PRKCH: variants seen among roughly 807,000 people sequenced by gnomAD.
PRKCH encodes the protein protein kinase C eta type.
PRKCH carries 28 observed loss-of-function variants against 82.5 expected under a neutral mutation model. The ratio of observed to expected loss-of-function variants is 0.34; its 90% CI spans 0.25 to 0.47. The LOEUF (loss-of-function observed/expected upper bound fraction) is 0.47, where lower values mean the gene tolerates loss of function less well. Among genes scored for constraint, PRKCH ranks in the 20% least tolerant of loss-of-function variants. The pLI is 1.00. For missense variants in PRKCH, 705 were observed against 881.8 expected, an observed-to-expected ratio of 0.80 and a Z score of 2.54; for synonymous variants, 322 against 327.4, an observed-to-expected ratio of 0.98 and a Z score of 0.18.
At chr14:61,189,629 TTCTC>T (rs908301883) in intron 1 of PRKCH, among the ~76,000 whole-genome samples, 2 of 151,932 alleles carry the variant, frequency 1.3e-5, no homozygotes, top group Admixed American at 6.5e-5. Flanking sequence ...CTTCCTCCCT[TTCTC>T]TCTGTCTTCC....
intron 8 of PRKCH, 23 bp downstream of exon 8, chr14:61,457,342 T>C (rs1210315722): frequency 1.2e-6 from 2 of 1,612,618 alleles, no homozygotes; most frequent in Non-Finnish European, 1.7e-6. Context: ...TTTAACTGTT[T>C]GGGTTGAAGT....
In PRKCH at chr14:61,374,487, C is replaced by T. The variant is rs944883480; in HGVS notation, c.364-16738C>T. ...CACCATGAGGGCTCCATCCCTGCAGCAGACTTCTGCCTGGACGTCCAGATG... is the reference window on the plus strand; with the variant it reads ...CACCATGAGGGCTCCATCCCTGCAGTAGACTTCTGCCTGGACGTCCAGATG... On this transcript the variant is annotated intron_variant, in intron 1 of 13. Coordinates refer to ENST00000332981, the MANE Select transcript of PRKCH (RefSeq NM_006255.5). Among the ~76,000 whole-genome samples, 4 of 152,062 alleles carry T rather than the reference C, an allele frequency of 2.6e-5. No individual in the cohort carries two copies. In the South Asian group the frequency reaches 8.3e-4, roughly 31 times the overall value.
intron 1 of PRKCH, among the ~76,000 whole-genome samples, chr14:61,210,237 C>G (rs981362771): frequency 2.0e-5 from 3 of 148,340 alleles, no homozygotes; most frequent in Non-Finnish European, 4.5e-5. Context: ...CTGCTTGAAC[C>G]CGGGAGGCGG....
intron 1 of PRKCH, among the ~76,000 whole-genome samples, chr14:61,233,355 C>T (rs377201512): frequency 6.6e-6 from 1 of 150,858 alleles, no homozygotes; most frequent in Non-Finnish European, 1.5e-5. Flanking sequence ...CAAGCCACTG[C>T]ACTCTGCTCT....
Position 61,280,401 on chromosome 14 carries a change from G to C in PRKCH, c.-19+92733G>C, listed in dbSNP as rs28731324. The C allele has an allele frequency of 6.0e-3, 9,750 of 1,614,018 alleles. 501 individuals are homozygous for C. In the African/African-American group the frequency reaches 0.11, roughly 18 times the overall value. On this transcript the variant is annotated intron_variant, in intron 1 of 3. Transcript: ENST00000555185. This position sits in a 1 kb window ranked among gnomAD's most constrained non-coding sequence, Gnocchi z 5.0. ...CCGCCGTGCGCATCCACACCACGAA[G>C]TCCTGATTGATGAAGCCGGTGTTGT...
chr14:61,380,231 A>AT, intron 1 of PRKCH, among the ~76,000 whole-genome samples: 1 of 151,652 alleles, frequency 6.6e-6, no homozygotes, highest in Middle Eastern at 3.2e-3. Context: ...GCTATTTTTT[A>AT]TTTTTTATAG....
chr14:61,304,000 A>T (rs1203196798), intron 1 of PRKCH: 1 of 151,876 alleles, frequency 6.6e-6, no homozygotes, highest in Non-Finnish European at 1.5e-5. Flanking sequence ...CTGAAATTTA[A>T]ATTTTATTTA....
chr14:61,253,516 G>A (rs753063437), intron 1 of PRKCH, among the ~76,000 whole-genome samples: 1 of 152,114 alleles, frequency 6.6e-6, no homozygotes, highest in Non-Finnish European at 1.5e-5. Context: ...CTTCACTGGG[G>A]TGGGGGGCAG....
chr14:61,207,199 C>T (rs1381658598), intron 1 of PRKCH, among the ~76,000 whole-genome samples: 1 of 125,666 alleles, frequency 8.0e-6, no homozygotes, highest in African/African-American at 2.9e-5. Context: ...ACTACCTGCC[C>T]ACAATAGAAA....
At chr14:61,229,267 A>C (rs1802017166) in intron 1 of PRKCH, among the ~76,000 whole-genome samples, 1 of 152,204 alleles carries the variant, frequency 6.6e-6, no homozygotes, top group Non-Finnish European at 1.5e-5. Context: ...GCAGTGTTTA[A>C]GATTCATTGA....
chr14:61,529,211 G>C lies in PRKCH; in HGVS notation c.1570G>C (p.Glu524Gln), dbSNP rs760191581. ...TGGCACGCCAGACTATATCGCTCCA[G>C]AGGTGAGTGCAGCTGCTTGATGCAG... ...FCGTPDYIAP[E>Q]ILQEMLYGPA... The change falls in exon 11 of 14, where the codon GAG (glutamate) becomes CAG (glutamine). Residue 524 changes from glutamate (E) to glutamine (Q), a missense_variant and splice_region_variant. Physicochemically the swap from Glu to Gln is conservative, Grantham distance 29. This residue lies in a region of PRKCH where 115 missense variants were observed against 193.8 expected (regional missense o/e 0.59). Transcript: ENST00000332981. 1 of 1,611,480 alleles carries C rather than the reference G, an allele frequency of 6.2e-7. No homozygotes were observed. Among genetic ancestry groups the C allele is most frequent in the Admixed American group, 1.7e-5 (1 of 59,694 alleles).
chr14:61,444,269 A>G (rs1364513881), intron 3 of PRKCH, among the ~76,000 whole-genome samples: 4 of 152,142 alleles, frequency 2.6e-5, no homozygotes, highest in African/African-American at 9.7e-5. Context: ...AAATTGTATT[A>G]CTTTTTTTTG....
chr14:61,321,562 G>A (rs1300548246), upstream of PRKCH, among the ~76,000 whole-genome samples: 1 of 152,162 alleles, frequency 6.6e-6, no homozygotes, highest in African/African-American at 2.4e-5. This position sits in a 1 kb window ranked among gnomAD's most constrained non-coding sequence, Gnocchi z 4.1. Context: ...AGGCGCGGGA[G>A]CGGACGCGGG....
intron 12 of PRKCH, among the ~76,000 whole-genome samples, chr14:61,542,817 C>G (rs1206377254): frequency 6.6e-6 from 1 of 152,220 alleles, no homozygotes; most frequent in Non-Finnish European, 1.5e-5. Context: ...TATGCTGCCA[C>G]TGTTCACAGC....
chr14:61,240,491 G>A (rs1314980475), intron 1 of PRKCH, among the ~76,000 whole-genome samples: 1 of 152,120 alleles, frequency 6.6e-6, no homozygotes, highest in Admixed American at 6.5e-5. Context: ...GCCACACGTG[G>A]TGACAAGGAT....
At chr14:61,477,108 G>C (rs1272510927) in intron 9 of PRKCH, 1 of 152,178 alleles carries the variant, frequency 6.6e-6, no homozygotes, top group East Asian at 1.9e-4. Context: ...ACGGTACTTA[G>C]GAGAAGTTCA....
chr14:61,229,147 T>C (rs1360429518), intron 1 of PRKCH, among the ~76,000 whole-genome samples: 1 of 152,084 alleles, frequency 6.6e-6, no homozygotes, highest in Non-Finnish European at 1.5e-5. Context: ...CAAATGGAAA[T>C]AATCTAAATA....
intron 1 of PRKCH, among the ~76,000 whole-genome samples, chr14:61,222,423 A>T (rs2044662876): frequency 6.6e-6 from 1 of 152,154 alleles, no homozygotes; most frequent in African/African-American, 2.4e-5. Flanking sequence ...TGTTTTTAAG[A>T]CAATAAATGG....
At chr14:61,356,638 TGGG>T (rs1010640593) in intron 1 of PRKCH, among the ~76,000 whole-genome samples, 3 of 152,066 alleles carry the variant, frequency 2.0e-5, no homozygotes, top group African/African-American at 7.2e-5. Context: ...TGGGAGATCT[TGGG>T]GGGAAAAAGA....
Sources: allele counts gnomAD v4.1 joint callset (sites outside exome capture counted in the v4.1 genomes callset), GRCh38; gene constraint gnomAD v4.1.1; regional missense constraint gnomAD v4.1.1; non-coding constraint Gnocchi (gnomAD v3.1); transcripts MANE v1.5; gene names NCBI Gene and HGNC (gene_info 2026-07-23, HGNC 2026-07-21).